The following RNGTT variants were observed in gnomAD, a reference collection of about 807,000 sequenced individuals.
RNGTT encodes mRNA-capping enzyme.
A neutral mutation model predicts 79.3 loss-of-function variants in RNGTT; 33 were observed. The observed-to-expected ratio is 0.42, with a 90% CI of 0.32 to 0.56. The LOEUF (loss-of-function observed/expected upper bound fraction) is 0.56. RNGTT is among the 20% of genes least tolerant of loss of function. The pLI, the probability that RNGTT is intolerant of heterozygous loss-of-function variation, is 0.17. For missense variants in RNGTT, 497 were observed against 739.1 expected (o/e 0.67, Z 3.80); for synonymous variants, 222 against 235.9 (o/e 0.94, Z 0.54).
chr6:88,776,478 C>G (rs1370607632), intron 12 of RNGTT, among the ~76,000 whole-genome samples: 1 of 151,940 alleles, frequency 6.6e-6, no homozygotes, highest in Non-Finnish European at 1.5e-5. Flanking sequence ...TGCCAGCAGG[C>G]CCAGCTAATT....
At chr6:88,628,391 C>T (rs1772716892) in intron 14 of RNGTT, among the ~76,000 whole-genome samples, 1 of 152,026 alleles carries the variant, frequency 6.6e-6, no homozygotes, top group Non-Finnish European at 1.5e-5. Context: ...CCCTTTTATT[C>T]TGAAATATTC....
chr6:88,790,247 A>G (rs763194676), intron 12 of RNGTT, among the ~76,000 whole-genome samples: 1 of 152,230 alleles, frequency 6.6e-6, no homozygotes, highest in Non-Finnish European at 1.5e-5. Context: ...AGTCATATAA[A>G]TAACAGGTAA....
chr6:88,911,995 A>T (rs1009107448), intron 4 of RNGTT, among the ~76,000 whole-genome samples: 1 of 152,076 alleles, frequency 6.6e-6, no homozygotes, highest in Non-Finnish European at 1.5e-5. Flanking sequence ...AGGTGGGAGG[A>T]TTGCTTGAAC....
chr6:88,744,271 A>AT (rs891388936), intron 13 of RNGTT, among the ~76,000 whole-genome samples: 4 of 151,666 alleles, frequency 2.6e-5, no homozygotes, highest in Non-Finnish European at 5.9e-5. Context: ...TTATTTATTT[A>AT]TTTTTTTGAG....
chr6:88,761,109 T>A (rs1053123437), intron 13 of RNGTT, among the ~76,000 whole-genome samples: 7 of 151,328 alleles, frequency 4.6e-5, no homozygotes, highest in Non-Finnish European at 7.4e-5. Context: ...AAGGAGACCA[T>A]GCAGTCAATT....
At chr6:88,780,842 G>C (rs1421066748) in intron 12 of RNGTT, among the ~76,000 whole-genome samples, 1 of 152,202 alleles carries the variant, frequency 6.6e-6, no homozygotes, top group Non-Finnish European at 1.5e-5. Context: ...AACTAAGGTG[G>C]ACAGGAAGCT....
intron 13 of RNGTT, among the ~76,000 whole-genome samples, chr6:88,755,466 A>G (rs551454839): frequency 1.3e-5 from 2 of 152,196 alleles, no homozygotes; most frequent in East Asian, 1.9e-4. Flanking sequence ...AACAAACAAC[A>G]ACGACAAAAA....
In RNGTT at chr6:88,610,765, C is replaced by T. The variant is rs932486478; in HGVS notation, c.*1954G>A. ...AAAGTGAGATGCTCTTTTCACGTAA[C>T]TCATTTGAAAGGTTACAATTACCAT... On this transcript the variant is annotated 3_prime_UTR_variant, in exon 16 of 16. Transcript: ENST00000369485. 1 of 152,120 alleles carries T rather than the reference C, an allele frequency of 6.6e-6. No individual in the cohort carries two copies. The highest frequency in any genetic ancestry group is 2.4e-5 in the African/African-American group (1 of 41,416). 9.4% of individuals were successfully genotyped at this position (152,120 alleles called of 1,614,324 possible). A position where few individuals can be genotyped will look rare whatever the true frequency, so the allele number is the denominator to read the frequency against.
chr6:88,904,620 C>G, intron 6 of RNGTT, 95 bp downstream of exon 6: 2 of 1,383,944 alleles, frequency 1.4e-6, no homozygotes, highest in Non-Finnish European at 1.9e-6. Context: ...ACAAACCTAG[C>G]TAAAGAAACA....
At chr6:88,889,076 G>A (rs1782961010) in intron 8 of RNGTT, among the ~76,000 whole-genome samples, 3 of 152,044 alleles carry the variant, frequency 2.0e-5, no homozygotes, top group Admixed American at 1.3e-4. Flanking sequence ...ATAACCCAGA[G>A]AAAAAGGTCA....
intron 11 of RNGTT, among the ~76,000 whole-genome samples, chr6:88,842,027 T>C (rs985918157): frequency 5.3e-5 from 8 of 152,162 alleles, no homozygotes; most frequent in African/African-American, 1.7e-4. Flanking sequence ...TATCTATGAA[T>C]TAGAACCATC....
intron 13 of RNGTT, among the ~76,000 whole-genome samples, chr6:88,763,087 CTTTTTTTTTTTTTTT>C (rs59200191): frequency 3.1e-5 from 3 of 95,524 alleles, no homozygotes; most frequent in Non-Finnish European, 5.9e-5. Flanking sequence ...TCATGGCCAG[CTTTTTTTTTTTTTTT>C]TTTTTTTTTT....
At chr6:88,697,425 C>T (rs1775717123) in intron 13 of RNGTT, among the ~76,000 whole-genome samples, 1 of 151,962 alleles carries the variant, frequency 6.6e-6, no homozygotes, top group Non-Finnish European at 1.5e-5. Flanking sequence ...GTGGCGGGCA[C>T]CTATAGTCCC....
chr6:88,622,775 C>T (rs1319488827), intron 14 of RNGTT, among the ~76,000 whole-genome samples: 1 of 152,106 alleles, frequency 6.6e-6, no homozygotes, highest in African/African-American at 2.4e-5. Context: ...AGTTCCTGAG[C>T]TCTAGAACCA....
chr6:88,863,753 A>C (rs895607266), intron 8 of RNGTT, among the ~76,000 whole-genome samples: 1 of 152,166 alleles, frequency 6.6e-6, no homozygotes, highest in African/African-American at 2.4e-5. Flanking sequence ...GTAAGGAAGG[A>C]GCAAATTTTT....
At chr6:88,945,337 A>G (rs148839940) in intron 1 of RNGTT, among the ~76,000 whole-genome samples, 19 of 152,282 alleles carry the variant, frequency 1.2e-4, no homozygotes, top group Admixed American at 4.6e-4. Flanking sequence ...CCCACTGAAA[A>G]TATTTGTCAC....
intron 13 of RNGTT, among the ~76,000 whole-genome samples, chr6:88,742,204 T>G (rs1490248164): frequency 6.6e-6 from 1 of 152,026 alleles, no homozygotes; most frequent in Non-Finnish European, 1.5e-5. Flanking sequence ...ATGTATCGGA[T>G]AAAGGTAGAA....
chr6:88,913,227 CAA>C (rs869096332), intron 4 of RNGTT, among the ~76,000 whole-genome samples: 1 of 110,296 alleles, frequency 9.1e-6, no homozygotes, highest in Non-Finnish European at 1.9e-5. Flanking sequence ...AAAAAAAAAA[CAA>C]AAAAAAAAAA....
Position 88,684,659 on chromosome 6 carries a change from A to C in RNGTT, c.1440-6240T>G, listed in dbSNP as rs991636611. On this transcript the variant is annotated intron_variant, in intron 13 of 15. Transcript: ENST00000369485. The stretch of plus-strand genomic sequence containing the variant: ...GATCCAACTATATGATATTCTGAGA[A>C]AGGCAAAAGGATTTTTTTAAGGCAG... Among the ~76,000 whole-genome samples the C allele has an allele frequency of 2.0e-5, 3 of 150,538 alleles. 1 individual carries two copies. The South Asian group carries it at 6.2e-4, about 31-fold the overall frequency.
Sources: gnomAD v4.1 joint callset for allele counts (sites outside exome capture counted in the v4.1 genomes callset) on GRCh38, gnomAD v4.1.1 for gene constraint, MANE v1.5 for transcripts, NCBI Gene and HGNC (gene_info 2026-07-23, HGNC 2026-07-21) for gene names.